ZFPM2: variants seen among roughly 807,000 people sequenced by gnomAD.
ZFPM2 encodes the protein zinc finger protein, FOG family member 2.
A neutral mutation model predicts 98.6 loss-of-function variants in ZFPM2; 20 were observed. That is an observed-to-expected ratio of 0.20 (90% CI 0.14 to 0.29). The LOEUF (loss-of-function observed/expected upper bound fraction) is 0.29. Among genes scored for constraint, ZFPM2 ranks in the 10% least tolerant of loss-of-function variants. The pLI is 1.00. For missense variants in ZFPM2, 1,310 were observed against 1,388.6 expected (o/e 0.94, Z 0.90); for synonymous variants, 518 against 502.7 (o/e 1.03, Z -0.41).
chr8:105,520,828 C>T (rs1814037833), intron 3 of ZFPM2, among the ~76,000 whole-genome samples: 2 of 146,428 alleles, frequency 1.4e-5, no homozygotes, highest in South Asian at 2.2e-4. Context: ...TAGATAACAA[C>T]GTTAGAAAAG....
chr8:105,412,650 A>G (rs928906943), intron 1 of ZFPM2, among the ~76,000 whole-genome samples: 34 of 151,852 alleles, frequency 2.2e-4, no homozygotes, highest in African/African-American at 8.0e-4. Context: ...GAGTGACTGC[A>G]GGAAGAACTT....
intron 2 of ZFPM2, among the ~76,000 whole-genome samples, chr8:105,433,756 C>T (rs1304914809): frequency 2.6e-5 from 4 of 152,144 alleles, no homozygotes; most frequent in Non-Finnish European, 4.4e-5. Context: ...CACTGCACTC[C>T]AGCCTGGGAG....
chr8:105,425,626 T>TC (rs777982824), intron 2 of ZFPM2, among the ~76,000 whole-genome samples: 2 of 152,172 alleles, frequency 1.3e-5, no homozygotes, highest in Non-Finnish European at 2.9e-5. Context: ...TTGAAATGTT[T>TC]CCCCCCTCCT....
chr8:105,329,101 G>T (rs1812166501), intron 1 of ZFPM2, among the ~76,000 whole-genome samples: 1 of 151,916 alleles, frequency 6.6e-6, no homozygotes, highest in Admixed American at 6.6e-5. Flanking sequence ...CAGATGATAA[G>T]ATGAGCACAA....
intron 3 of ZFPM2, among the ~76,000 whole-genome samples, chr8:105,507,229 G>A (rs1313608471): frequency 1.3e-5 from 2 of 152,136 alleles, no homozygotes; most frequent in African/African-American, 2.4e-5. Flanking sequence ...GTCTTAACAC[G>A]TGTCATGTGT....
In ZFPM2 at chr8:105,802,531, A is replaced by G. The variant is rs1409176646; in HGVS notation, c.2449A>G (p.Thr817Ala). The change falls in exon 8 of 8, where the codon ACT becomes GCT. Residue 817 changes from threonine to alanine, a missense_variant. Thr to Ala is a moderately conservative substitution (Grantham distance 58, BLOSUM62 0). Transcript: ENST00000407775. ...TGTTCCAGTTTCCAAATGTGATACT[A>G]CTCATTCCAGTGTTTCCTGCCTAGA... ...KCVPVSKCDTTHSSVSCLEMD... is the reference protein window; with the variant it reads ...KCVPVSKCDTAHSSVSCLEMD... 3 of 1,611,852 alleles carry G rather than the reference A, an allele frequency of 1.9e-6. No individual in the cohort carries two copies. The highest frequency in any genetic ancestry group is 3.4e-5 in the Admixed American group (2 of 59,642).
At chr8:105,629,592 A>G (rs1283381323) in intron 4 of ZFPM2, among the ~76,000 whole-genome samples, 1 of 152,200 alleles carries the variant, frequency 6.6e-6, no homozygotes, top group Non-Finnish European at 1.5e-5. Context: ...AGATTTTGCC[A>G]GACTAAAATC....
rs544135737 is a variant in ZFPM2, at chr8:105,370,152, G to A, written c.41-48992G>A. On this transcript the variant is annotated intron_variant, in intron 1 of 7. Transcript: ENST00000407775. Reference sequence around the variant, plus strand: ...CAACTCATTGAAATGACAGTGCAAAGTAAATCCAGTGCAAAACTGGCATAG... The same window carrying A: ...CAACTCATTGAAATGACAGTGCAAAATAAATCCAGTGCAAAACTGGCATAG... Among the ~76,000 whole-genome samples, 25 of 152,146 alleles carry A rather than the reference G, an allele frequency of 1.6e-4. No individual in the cohort carries two copies. In the East Asian group the frequency reaches 4.8e-3, roughly 29 times the overall value.
At chr8:105,536,608 C>T (rs1192593391) in intron 3 of ZFPM2, among the ~76,000 whole-genome samples, 1 of 151,928 alleles carries the variant, frequency 6.6e-6, no homozygotes. Flanking sequence ...TTAAAAGACA[C>T]ATTTATGAAC....
Position 105,449,195 on chromosome 8 carries a change from A to G in ZFPM2, c.301+4814A>G, listed in dbSNP as rs185828174. Among the ~76,000 whole-genome samples the G allele has an allele frequency of 5.2e-3, 795 of 152,146 alleles. 2 individuals carry two copies. Among genetic ancestry groups the G allele is most frequent in the Non-Finnish European group, 8.5e-3 (580 of 67,908 alleles). On this transcript the variant is annotated intron_variant, in intron 3 of 7. Coordinates refer to ENST00000407775, the MANE Select transcript of ZFPM2 (RefSeq NM_012082.4). The stretch of plus-strand genomic sequence containing the variant: ...GAAAATCTGATTTGTCTGGTACAAT[A>G]TTGCATGAAATCTTGGTCTTACCAT...
At chr8:105,457,153 A>G (rs1812609249) in intron 3 of ZFPM2, among the ~76,000 whole-genome samples, 1 of 152,208 alleles carries the variant, frequency 6.6e-6, no homozygotes, top group Non-Finnish European at 1.5e-5. Flanking sequence ...GTAGCCAAAC[A>G]GATAACAGCC....
chr8:105,801,814 A>C lies in ZFPM2; in HGVS notation c.1732A>C (p.Met578Leu). Residue 578 changes from methionine (M) to leucine (L), a missense_variant, in exon 8 of 8, where the codon ATG (methionine) becomes CTG (leucine). Transcript: ENST00000407775. The part of the protein sequence containing the change: ...KHYCSSRWQQ[M>L]AKSPEFPSVS... ...TTATTGCAGCAGCCGATGGCAGCAG[A>C]TGGCTAAGTCCCCAGAGTTCCCTAG... 1 of 1,613,980 alleles carries C rather than the reference A, an allele frequency of 6.2e-7. No individual in the cohort carries two copies. The highest frequency in any genetic ancestry group is 1.3e-5 in the African/African-American group (1 of 75,044).
In ZFPM2 at chr8:105,435,031, C is replaced by G. The variant is rs570242551; in HGVS notation, c.200-9249C>G. 2.3e-4 allele frequency among the ~76,000 whole-genome samples: 35 copies of G among 152,246 alleles called. 2 individuals are homozygous for G. Among genetic ancestry groups the G allele is most frequent in the Admixed American group, 1.8e-3 (28 of 15,292 alleles). On this transcript the variant is annotated intron_variant, in intron 2 of 7. Transcript: ENST00000407775. ...TGCTTTTACTATCTTACCAACAATACCTAATAAGGTATTTAAAGATTCTGT... is the reference window on the plus strand; with the variant it reads ...TGCTTTTACTATCTTACCAACAATAGCTAATAAGGTATTTAAAGATTCTGT...
intron 4 of ZFPM2, among the ~76,000 whole-genome samples, chr8:105,632,926 C>T (rs1447667509): frequency 6.6e-6 from 1 of 151,862 alleles, no homozygotes; most frequent in African/African-American, 2.4e-5. Flanking sequence ...TTTTTAAATC[C>T]ATCATGGTTG....
intron 5 of ZFPM2, among the ~76,000 whole-genome samples, chr8:105,677,539 A>G (rs1171680490): frequency 1.3e-5 from 2 of 152,040 alleles, no homozygotes. Context: ...TTCCTTTCTG[A>G]AAACACCATG....
chr8:105,593,952 T>G (rs1292625629), intron 4 of ZFPM2, among the ~76,000 whole-genome samples: 1 of 152,150 alleles, frequency 6.6e-6, no homozygotes, highest in Non-Finnish European at 1.5e-5. Flanking sequence ...CATTATGGCC[T>G]GGAGTCTTAA....
intron 4 of ZFPM2, among the ~76,000 whole-genome samples, chr8:105,572,709 A>C (rs1471702500): frequency 6.6e-6 from 1 of 151,588 alleles, no homozygotes; most frequent in Admixed American, 6.6e-5. Flanking sequence ...ACCTCAGGTG[A>C]TCTGCGTGCC....
chr8:105,582,714 C>A (rs1815629132), intron 4 of ZFPM2, among the ~76,000 whole-genome samples: 1 of 152,138 alleles, frequency 6.6e-6, no homozygotes, highest in African/African-American at 2.4e-5. Context: ...CCACCTCAGC[C>A]TCCTGAGTAG....
intron 1 of ZFPM2, among the ~76,000 whole-genome samples, chr8:105,368,210 A>G (rs74390371): frequency 6.7e-6 from 1 of 149,220 alleles, no homozygotes; most frequent in African/African-American, 2.5e-5. Flanking sequence ...GTCTCTGCCC[A>G]GCTTTGGTAT....
Sources: gnomAD v4.1 joint callset for allele counts (sites outside exome capture counted in the v4.1 genomes callset) on GRCh38, gnomAD v4.1.1 for gene constraint, MANE v1.5 for transcripts, NCBI Gene and HGNC (gene_info 2026-07-23, HGNC 2026-07-21) for gene names.